NLGN4X: variants seen among roughly 807,000 people sequenced by gnomAD.
NLGN4X encodes neuroligin 4 X-linked, also known as neuroligin-4, X-linked.
NLGN4X carries 3 observed loss-of-function variants against 40.3 expected under a neutral mutation model. The ratio of observed to expected loss-of-function variants is 0.07; its 90% CI spans 0.03 to 0.19. The LOEUF (loss-of-function observed/expected upper bound fraction) is 0.19, where lower values mean the gene tolerates loss of function less well. NLGN4X is among the 10% of genes least tolerant of loss of function. The pLI is 1.00. For missense variants in NLGN4X, 382 were observed against 708.3 expected, an observed-to-expected ratio of 0.54 and a Z score of 5.23; for synonymous variants, 270 against 306.8, an observed-to-expected ratio of 0.88 and a Z score of 1.25.
chrX:5,972,080 A>G (rs1269411172), intron 3 of NLGN4X, among the ~76,000 whole-genome samples: 1 of 110,925 alleles, frequency 9.0e-6, no homozygotes, highest in East Asian at 2.9e-4. Flanking sequence ...GAAAGTGTTT[A>G]ATATGCAGAA....
At chrX:6,082,198 TG>T (rs1263634920) in intron 2 of NLGN4X, among the ~76,000 whole-genome samples, 2 of 112,127 alleles carry the variant, frequency 1.8e-5, no homozygotes, top group Non-Finnish European at 3.8e-5. Context: ...AGAAATCATT[TG>T]TTGATTATTA....
intron 2 of NLGN4X, among the ~76,000 whole-genome samples, chrX:6,098,239 G>A (rs1009797737): frequency 8.9e-6 from 1 of 112,148 alleles, no homozygotes; most frequent in Non-Finnish European, 1.9e-5. Flanking sequence ...AGGCTGCAGT[G>A]AGCTATCTAT....
chrX:6,000,421 G>C (rs937218689), intron 3 of NLGN4X, among the ~76,000 whole-genome samples: 1 of 111,702 alleles, frequency 9.0e-6, no homozygotes, highest in Non-Finnish European at 1.9e-5. Context: ...ATGTTACTTA[G>C]TTTATTTAAT....
In NLGN4X at chrX:6,150,456, AACC is replaced by A. The variant is rs529122120; in HGVS notation, c.472+536_472+538del. Reference sequence around the variant, plus strand: ...AGAACATCCAAATTTACGTTAAGAAAACCGATTCTAAACAATGAAATCCAACCA... The same window carrying A: ...AGAACATCCAAATTTACGTTAAGAAAGATTCTAAACAATGAAATCCAACCA... On this transcript the variant is annotated intron_variant, in intron 2 of 5. Coordinates refer to ENST00000381095, the MANE Select transcript of NLGN4X (RefSeq NM_181332.3). 6.2e-5 allele frequency among the ~76,000 whole-genome samples: 7 copies of A among 112,152 alleles called. No homozygotes were observed. In the South Asian group the frequency reaches 2.6e-3, roughly 41 times the overall value.
At chrX:5,902,980 G>C (rs774030492) in intron 5 of NLGN4X, 97 bp downstream of exon 5, 3 of 972,412 alleles carry the variant, frequency 3.1e-6, no homozygotes, top group Admixed American at 2.2e-5. Context: ...GTGTGTATGC[G>C]TGTGTGCTCC....
intron 3 of NLGN4X, among the ~76,000 whole-genome samples, chrX:6,019,353 T>TA (rs1236214264): frequency 8.9e-6 from 1 of 111,878 alleles, no homozygotes; most frequent in African/African-American, 3.2e-5. Flanking sequence ...GTAGTAGTCT[T>TA]ACATTTTTTT....
In NLGN4X at chrX:6,044,449, C is replaced by T. The variant is rs754677792; in HGVS notation, c.473-15017G>A. On this transcript the variant is annotated intron_variant, in intron 2 of 5. Coordinates refer to ENST00000381095, the MANE Select transcript of NLGN4X (RefSeq NM_181332.3). ...CAGTCTACCTAAGTAACAAGCAAGT[C>T]CACCCACAACCGACATGAACTTCAG... 2.6e-3 allele frequency among the ~76,000 whole-genome samples: 295 copies of T among 111,921 alleles called. 2 individuals carry two copies. The highest frequency in any genetic ancestry group is 4.6e-3 in the Middle Eastern group (1 of 216).
At chrX:6,033,920 C>T (rs985460997) in intron 2 of NLGN4X, among the ~76,000 whole-genome samples, 4 of 112,303 alleles carry the variant, frequency 3.6e-5, no homozygotes, top group African/African-American at 6.5e-5. Context: ...TCAATCAAGA[C>T]AGTCTTTGCC....
At position 5,892,942 on chromosome X, in the gene NLGN4X, G is replaced by T. The variant is rs2031262130; in HGVS notation, c.2326C>A (p.Pro776Thr). The change falls in exon 6 of 6, where the codon CCA becomes ACA. Residue 776 changes from proline (P) to threonine (T), a missense_variant. Around this residue, in one of 5 missense-constraint regions of NLGN4X, gnomAD observed 57 missense variants for 65.6 expected, o/e 0.87. Coordinates refer to ENST00000381095, the MANE Select transcript of NLGN4X (RefSeq NM_181332.3). The stretch of plus-strand genomic sequence containing the variant: ...TTTGGAATCATGGTGATGGTGTTTG[G>T]CGTCATAAGTGGGATGTCATCTGGC... ...RSPDDIPLMT[P>T]NTITMIPNTL... The T allele has an allele frequency of 8.3e-7, 1 of 1,211,619 alleles. No homozygotes were observed. The highest frequency in any genetic ancestry group is 2.2e-5 in the Admixed American group (1 of 46,006).
intron 3 of NLGN4X, among the ~76,000 whole-genome samples, chrX:5,991,239 ATTTCC>A (rs2035674828): frequency 9.2e-6 from 1 of 109,037 alleles, no homozygotes; most frequent in Admixed American, 9.8e-5. Context: ...AAATGAAAAT[ATTTCC>A]TTTCCTTTTT....
chrX:6,103,411 A>T (rs1465974302), intron 2 of NLGN4X, among the ~76,000 whole-genome samples: 1 of 112,057 alleles, frequency 8.9e-6, no homozygotes, highest in Non-Finnish European at 1.9e-5. Context: ...AGGGTAAAAA[A>T]TACAACTTAG....
chrX:5,956,934 G>T (rs143701754), intron 3 of NLGN4X, among the ~76,000 whole-genome samples: 1,610 of 111,448 alleles, frequency 0.014, 27 homozygotes, highest in Non-Finnish European at 0.019. Context: ...GGTGTTGTGT[G>T]TTAAGAAGTT....
In NLGN4X at chrX:6,145,461, A is replaced by C. The variant is rs150336719; in HGVS notation, c.472+5534T>G. The stretch of plus-strand genomic sequence containing the variant: ...GCCAATCTGATTTCTCAACTTTTAC[A>C]GTAAGTTTGGATATCCCATAGCCCT... On this transcript the variant is annotated intron_variant, in intron 2 of 5. Coordinates refer to ENST00000381095, the MANE Select transcript of NLGN4X (RefSeq NM_181332.3). Among the ~76,000 whole-genome samples, 741 of 112,029 alleles carry C rather than the reference A, an allele frequency of 6.6e-3. 2 individuals carry two copies. The highest frequency in any genetic ancestry group is 0.021 in the African/African-American group (651 of 30,804).
intron 2 of NLGN4X, among the ~76,000 whole-genome samples, chrX:6,061,105 GGT>G (rs2037757184): frequency 9.0e-6 from 1 of 111,444 alleles, no homozygotes; most frequent in Non-Finnish European, 1.9e-5. Context: ...GCTATAATGT[GGT>G]TCTGCCCATT....
At chrX:6,186,700 T>C (rs1019786301) in intron 1 of NLGN4X, 1 of 111,769 alleles carries the variant, frequency 8.9e-6, no homozygotes, top group African/African-American at 3.3e-5. Flanking sequence ...AAAATCATGT[T>C]AAAAGTCTTT....
chrX:6,178,429 C>T (rs1243766059), intron 1 of NLGN4X, among the ~76,000 whole-genome samples: 1 of 111,370 alleles, frequency 9.0e-6, no homozygotes, highest in Admixed American at 9.6e-5. Context: ...GGGAAGATGC[C>T]ATGTGTTATG....
At chrX:5,984,242 A>G (rs1649282118) in intron 3 of NLGN4X, among the ~76,000 whole-genome samples, 1 of 111,538 alleles carries the variant, frequency 9.0e-6, no homozygotes, top group African/African-American at 3.2e-5. Context: ...ATGAAAATAT[A>G]TATCAAACAT....
At chrX:6,209,468 AG>A (rs1924367043) in intron 1 of NLGN4X, among the ~76,000 whole-genome samples, 1 of 111,862 alleles carries the variant, frequency 8.9e-6, no homozygotes, top group East Asian at 2.8e-4. Flanking sequence ...CGCAAGGCAC[AG>A]GACAGCCACC....
intron 1 of NLGN4X, among the ~76,000 whole-genome samples, chrX:6,165,013 C>A (rs2040470799): frequency 9.0e-6 from 1 of 111,279 alleles, no homozygotes; most frequent in Non-Finnish European, 1.9e-5. Context: ...TACAAGCTCC[C>A]AGGAAAGGCA....
Sources: gnomAD v4.1 joint callset for allele counts (sites outside exome capture counted in the v4.1 genomes callset) on GRCh38, gnomAD v4.1.1 for gene constraint, gnomAD v4.1.1 regional missense constraint, MANE v1.5 for transcripts, NCBI Gene and HGNC (gene_info 2026-07-23, HGNC 2026-07-21) for gene names.